Variants in DCDC1 observed in about 807,000 individuals in gnomAD.
DCDC1 encodes doublecortin domain containing 1, also known as doublecortin domain-containing protein 1.
In DCDC1, 200 loss-of-function variants were observed where a neutral mutation model predicts 178.3. The observed-to-expected ratio is 1.12, with a 90% confidence interval of 1.00 to 1.26. The LOEUF (loss-of-function observed/expected upper bound fraction) is 1.26. Among genes scored for constraint, DCDC1 ranks in the 50% most tolerant of loss-of-function variants. DCDC1 has a pLI of 0.00. For missense variants in DCDC1, 1,983 were observed against 1,749.2 expected, an observed-to-expected ratio of 1.13 and a Z score of -2.38; for synonymous variants, 690 against 604.8, an observed-to-expected ratio of 1.14 and a Z score of -2.07.
intron 11 of DCDC1, among the ~76,000 whole-genome samples, chr11:31,113,614 T>C (rs557714989): frequency 2.0e-5 from 3 of 152,238 alleles, no homozygotes; most frequent in African/African-American, 4.8e-5. Context: ...ACAAAGGCCA[T>C]GAACTCATCC....
intron 9 of DCDC1, among the ~76,000 whole-genome samples, chr11:31,208,757 A>G (rs922652649): frequency 1.3e-5 from 2 of 152,154 alleles, no homozygotes; most frequent in Middle Eastern, 3.4e-3. Context: ...GGCCTTTGCA[A>G]TTGCTTTTGC....
Position 30,899,618 on chromosome 11 carries a change from T to G in DCDC1, c.4688A>C (p.Glu1563Ala). The G allele has an allele frequency of 6.4e-7, 1 of 1,569,822 alleles. No homozygotes were observed. Among genetic ancestry groups the G allele is most frequent in the Non-Finnish European group, 8.6e-7 (1 of 1,157,516 alleles). ...GTCCTTTTTTAGCCAGTTCTGTTTC[T>G]CTAATTTTTCTGCTTTCTGCAAAGC... ...PNALQKAEKL[E>A]KQNWLKKDRI... Residue 1563 changes from glutamate to alanine, a missense_variant, in exon 34 of 39, where the codon GAG becomes GCG. Glu to Ala is a moderately radical substitution (Grantham distance 107). Transcript: ENST00000684477.
At chr11:30,994,682 A>G (rs528248920) in intron 20 of DCDC1, among the ~76,000 whole-genome samples, 2 of 145,338 alleles carry the variant, frequency 1.4e-5, no homozygotes, top group African/African-American at 5.0e-5. Flanking sequence ...ATAATATATA[A>G]CATATTATTG....
chr11:30,964,124 C>A (rs1400514534), intron 20 of DCDC1, among the ~76,000 whole-genome samples: 1 of 151,960 alleles, frequency 6.6e-6, no homozygotes, highest in Non-Finnish European at 1.5e-5. Flanking sequence ...TGTGCAGTGC[C>A]CTGCAAAGAT....
intron 1 of DCDC1, among the ~76,000 whole-genome samples, chr11:31,346,463 CAAAAAAAAAAAAAAA>C (rs377761189): frequency 1.2e-5 from 1 of 83,748 alleles, no homozygotes; most frequent in Non-Finnish European, 2.4e-5. Context: ...GACTCCGTCT[CAAAAAAAAAAAAAAA>C]AAAAAAAAAA....
intron 8 of DCDC1, among the ~76,000 whole-genome samples, chr11:31,254,903 A>G (rs1199967791): frequency 6.6e-6 from 1 of 152,192 alleles, no homozygotes; most frequent in Non-Finnish European, 1.5e-5. Context: ...AAATATTTCC[A>G]TCATTCCAAA....
At chr11:30,996,710 C>T (rs148084007) in intron 20 of DCDC1, among the ~76,000 whole-genome samples, 1 of 152,304 alleles carries the variant, frequency 6.6e-6, no homozygotes, top group Non-Finnish European at 1.5e-5. Flanking sequence ...GTGCCTTGAT[C>T]TTGGACTTCC....
chr11:30,872,098 C>G (rs1047490420), intron 38 of DCDC1, among the ~76,000 whole-genome samples: 1 of 152,012 alleles, frequency 6.6e-6, no homozygotes, highest in East Asian at 1.9e-4. Context: ...GTACAAGGCC[C>G]TCATAATCAG....
chr11:31,352,114 T>C (rs1373661683), intron 1 of DCDC1, among the ~76,000 whole-genome samples: 1 of 152,092 alleles, frequency 6.6e-6, no homozygotes, highest in Non-Finnish European at 1.5e-5. Flanking sequence ...TATGTAATAT[T>C]CTCCTGGGGT....
intron 21 of DCDC1, among the ~76,000 whole-genome samples, chr11:30,944,504 A>C (rs1237409958): frequency 6.6e-6 from 1 of 152,234 alleles, no homozygotes; most frequent in Non-Finnish European, 1.5e-5. Flanking sequence ...CTTTCCAACC[A>C]AAATATGAAT....
At chr11:31,019,562 T>C (rs538729730) in intron 20 of DCDC1, among the ~76,000 whole-genome samples, 2 of 152,136 alleles carry the variant, frequency 1.3e-5, no homozygotes, top group Non-Finnish European at 2.9e-5. Flanking sequence ...CAAGAATTGT[T>C]TTTATATTTT....
chr11:31,209,005 T>C (rs1972187726), intron 9 of DCDC1, among the ~76,000 whole-genome samples: 1 of 152,184 alleles, frequency 6.6e-6, no homozygotes, highest in African/African-American at 2.4e-5. Flanking sequence ...AACTCAGCCT[T>C]GTATGCGTGT....
intron 21 of DCDC1, among the ~76,000 whole-genome samples, chr11:30,944,923 T>C (rs1028542363): frequency 6.6e-6 from 1 of 151,958 alleles, no homozygotes; most frequent in Middle Eastern, 3.4e-3. Flanking sequence ...CCTAAGATTA[T>C]GTAATTGTCA....
At chr11:31,262,969 A>C (rs1464127643) in intron 8 of DCDC1, 1 of 1,484,118 alleles carries the variant, frequency 6.7e-7, no homozygotes, top group African/African-American at 1.4e-5. Context: ...CAAGGCATGC[A>C]TTAAAATGTG....
At chr11:31,328,557 G>C (rs1297716976) in intron 2 of DCDC1, among the ~76,000 whole-genome samples, 1 of 152,132 alleles carries the variant, frequency 6.6e-6, no homozygotes, top group Admixed American at 6.6e-5. Flanking sequence ...CCAGCACTTT[G>C]GGAGGCCAAG....
chr11:31,078,852 C>T (rs1957011240), intron 17 of DCDC1, among the ~76,000 whole-genome samples: 1 of 135,576 alleles, frequency 7.4e-6, no homozygotes, highest in African/African-American at 2.7e-5. Flanking sequence ...ACAGGTGTTT[C>T]AAGTTATTCC....
chr11:31,304,760 C>T (rs1948342487), intron 6 of DCDC1, among the ~76,000 whole-genome samples: 1 of 152,052 alleles, frequency 6.6e-6, no homozygotes. Context: ...AAAAAAATTA[C>T]TTCTAATAAA....
At chr11:30,917,536 G>A (rs3885889) in intron 25 of DCDC1, among the ~76,000 whole-genome samples, 3,583 of 152,230 alleles carry the variant, frequency 0.024, 119 homozygotes, top group African/African-American at 0.081. Context: ...GCACATATGA[G>A]CCAGCTTTTG....
At chr11:31,096,208 C>T (rs927062806) in intron 15 of DCDC1, among the ~76,000 whole-genome samples, 1 of 152,172 alleles carries the variant, frequency 6.6e-6, no homozygotes. Context: ...TACAGCAACA[C>T]CACCACCTAA....
Sources: gnomAD v4.1 joint callset for allele counts (sites outside exome capture counted in the v4.1 genomes callset) on GRCh38, gnomAD v4.1.1 for gene constraint, MANE v1.5 for transcripts, NCBI Gene and HGNC (gene_info 2026-07-23, HGNC 2026-07-21) for gene names.